Variants in CREBBP observed in about 807,000 individuals in gnomAD.
CREBBP encodes the protein CREB-binding protein.
CREBBP carries 19 observed loss-of-function variants against 265.0 expected under a neutral mutation model. The observed-to-expected ratio is 0.07, with a 90% CI of 0.05 to 0.11. CREBBP has a LOEUF of 0.11. Among genes scored for constraint, CREBBP ranks in the 10% least tolerant of loss-of-function variants. CREBBP has a pLI of 1.00. For synonymous variants in CREBBP, 1,457 were observed against 1,223.7 expected (o/e 1.19, Z -3.98); for missense variants, 2,525 against 3,219.0 (o/e 0.78, Z 5.22).
chr16:3,826,797 G>C (rs751034684), intron 2 of CREBBP, among the ~76,000 whole-genome samples: 1 of 152,156 alleles, frequency 6.6e-6, no homozygotes, highest in Admixed American at 6.5e-5. Flanking sequence ...ACAACAGAAG[G>C]ACATTAGGGA....
In CREBBP at chr16:3,851,802, C is replaced by T. The variant is rs1278044243; in HGVS notation, c.86-793G>A. Reference sequence around the variant, plus strand: ...CCGGGAAGCGGAGCTTGCAGTGAGCCGAGATTGCGCCACTGCAGTCCGCAG... The same window carrying T: ...CCGGGAAGCGGAGCTTGCAGTGAGCTGAGATTGCGCCACTGCAGTCCGCAG... On this transcript the variant is annotated intron_variant, in intron 1 of 30. Transcript: ENST00000262367. Among the ~76,000 whole-genome samples the T allele has an allele frequency of 1.7e-3, 190 of 111,972 alleles. 1 individual carries two copies. The highest frequency in any genetic ancestry group is 6.3e-3 in the African/African-American group (176 of 27,942). The allele number at this position is 111,972 out of a possible 152,430, so 73.5% of individuals were successfully genotyped here.
chr16:3,768,594 G>A (rs2052922285), intron 15 of CREBBP, among the ~76,000 whole-genome samples: 2 of 152,230 alleles, frequency 1.3e-5, no homozygotes, highest in African/African-American at 2.4e-5. Flanking sequence ...TGTGGTATGA[G>A]ACAGGAAGGA....
rs74449653 is a variant in CREBBP, at chr16:3,762,577, C to T, written c.3251-3605G>A. ...AGTCAGGAGTGTATGTGAACTGCGCCGCTCCCCTCCTCTGGCCCGAGGACC... is the reference window on the plus strand; with the variant it reads ...AGTCAGGAGTGTATGTGAACTGCGCTGCTCCCCTCCTCTGGCCCGAGGACC... On this transcript the variant is annotated intron_variant, in intron 16 of 30. Transcript: ENST00000262367. Among the ~76,000 whole-genome samples, 1,203 of 151,962 alleles carry T rather than the reference C, an allele frequency of 7.9e-3. 8 individuals carry two copies. Among genetic ancestry groups the T allele is most frequent in the Non-Finnish European group, 0.012 (801 of 67,970 alleles).
intron 1 of CREBBP, among the ~76,000 whole-genome samples, chr16:3,868,000 A>C (rs908345351): frequency 1.3e-5 from 2 of 152,176 alleles, no homozygotes; most frequent in African/African-American, 4.8e-5. Context: ...AACAGCTCTG[A>C]GATATGTATC....
chr16:3,834,086 G>C (rs1481619601), intron 2 of CREBBP, among the ~76,000 whole-genome samples: 1 of 152,142 alleles, frequency 6.6e-6, no homozygotes, highest in Non-Finnish European at 1.5e-5. Context: ...TTGCCTATTA[G>C]AACAGCCAAA....
At chr16:3,818,872 G>A (rs1000247110) in intron 2 of CREBBP, among the ~76,000 whole-genome samples, 2 of 152,214 alleles carry the variant, frequency 1.3e-5, no homozygotes, top group Admixed American at 6.5e-5. Flanking sequence ...CCACTTTATA[G>A]GTGAGGAAGG....
intron 20 of CREBBP, 44 bp downstream of exon 20, chr16:3,751,682 G>T: frequency 6.3e-7 from 1 of 1,577,380 alleles, no homozygotes; most frequent in Middle Eastern, 1.7e-4. Flanking sequence ...ACAATTTAAG[G>T]TCACCCTCCC....
At chr16:3,842,459 C>G (rs532524184) in intron 2 of CREBBP, among the ~76,000 whole-genome samples, 2 of 152,220 alleles carry the variant, frequency 1.3e-5, no homozygotes, top group East Asian at 1.9e-4. Context: ...CAGTAGAAAA[C>G]AAGAACATGC....
intron 1 of CREBBP, among the ~76,000 whole-genome samples, chr16:3,853,851 C>T (rs1438333625): frequency 6.6e-6 from 1 of 151,882 alleles, no homozygotes; most frequent in African/African-American, 2.4e-5. Context: ...GCAGGAGAGT[C>T]GCTTGAACCT....
At chr16:3,806,286 G>A (rs547011297) in intron 3 of CREBBP, among the ~76,000 whole-genome samples, 4 of 152,206 alleles carry the variant, frequency 2.6e-5, no homozygotes, top group African/African-American at 4.8e-5. Context: ...ATTCAGAGAC[G>A]TAGATCAGCA....
Position 3,727,636 on chromosome 16 carries a change from G to A in CREBBP, c.*82C>T, listed in dbSNP as rs565641940. ...GCTCGGAAGTCGCAGTTCCATCTAGGAATAAAAAGAACCTAGATGCCTGGA... is the reference window on the plus strand; with the variant it reads ...GCTCGGAAGTCGCAGTTCCATCTAGAAATAAAAAGAACCTAGATGCCTGGA... On this transcript the variant is annotated 3_prime_UTR_variant, in exon 31 of 31. Transcript: ENST00000262367. 2 of 1,611,674 alleles carry A rather than the reference G, an allele frequency of 1.2e-6. No homozygotes were observed. Among genetic ancestry groups the A allele is most frequent in the Non-Finnish European group, 1.7e-6 (2 of 1,179,404 alleles).
At chr16:3,765,177 C>T (rs932029973) in intron 16 of CREBBP, among the ~76,000 whole-genome samples, 3 of 152,120 alleles carry the variant, frequency 2.0e-5, no homozygotes, top group Admixed American at 6.5e-5. Context: ...GGGGTTTCAC[C>T]GTATTAGCCA....
chr16:3,782,698 G>A lies in CREBBP; in HGVS notation c.1559C>T (p.Thr520Ile), dbSNP rs763651145. Residue 520 changes from threonine to isoleucine, a missense_variant, in exon 6 of 31, where the codon ACT (threonine) becomes ATT (isoleucine). Thr to Ile is a moderately conservative substitution (Grantham distance 89). Around this residue, in one of 19 missense-constraint regions of CREBBP, gnomAD observed 144 missense variants for 134.0 expected, o/e 1.07. Transcript: ENST00000262367. ...AQPQTHQQMR[T>I]LNPLGNNPMN... ...CCTTCACCTACCCAGGGGGTTGAGAGTCCTCATCTGCTGGTGGGTTTGAGG... is the reference window on the plus strand; with the variant it reads ...CCTTCACCTACCCAGGGGGTTGAGAATCCTCATCTGCTGGTGGGTTTGAGG... 6 of 1,614,028 alleles carry A rather than the reference G, an allele frequency of 3.7e-6. No homozygotes were observed. The highest frequency in any genetic ancestry group is 1.7e-5 in the Admixed American group (1 of 59,998).
chr16:3,869,372 ACAG>A (rs2055245553), intron 1 of CREBBP, among the ~76,000 whole-genome samples: 1 of 152,234 alleles, frequency 6.6e-6, no homozygotes, highest in Non-Finnish European at 1.5e-5. Context: ...ATAATCCTGA[ACAG>A]TGTGACCTAA....
chr16:3,819,338 A>T (rs1222748007), intron 2 of CREBBP, among the ~76,000 whole-genome samples: 1 of 152,268 alleles, frequency 6.6e-6, no homozygotes, highest in African/African-American at 2.4e-5. Flanking sequence ...CGTGAGAACT[A>T]AACAAGTTCC....
At chr16:3,832,331 C>T (rs139734562) in intron 2 of CREBBP, among the ~76,000 whole-genome samples, 1 of 152,082 alleles carries the variant, frequency 6.6e-6, no homozygotes, top group African/African-American at 2.4e-5. Flanking sequence ...CTTCATGAAG[C>T]CAGTATATTA....
rs768892252 is a variant in CREBBP, at chr16:3,846,039, T to C, written c.798+4258A>G. Among the ~76,000 whole-genome samples, 4 of 152,124 alleles carry C rather than the reference T, an allele frequency of 2.6e-5. No homozygotes were observed. The East Asian group carries it at 7.7e-4, about 29-fold the overall frequency. On this transcript the variant is annotated intron_variant, in intron 2 of 30. Coordinates refer to ENST00000262367, the MANE Select transcript of CREBBP (RefSeq NM_004380.3). The stretch of plus-strand genomic sequence containing the variant: ...TGGATAAATGTGTTTCTATACAAAC[T>C]GAAAACATATACTTGGTAAAAACAT...
chr16:3,789,180 G>A (rs141769000), intron 5 of CREBBP, among the ~76,000 whole-genome samples: 108 of 152,296 alleles, frequency 7.1e-4, no homozygotes, highest in African/African-American at 2.6e-3. Context: ...AAAAAGCAGA[G>A]TCCCGGGGCC....
chr16:3,759,008 A>G, intron 16 of CREBBP, 36 bp from the exon 17 acceptor site: 4 of 1,504,890 alleles, frequency 2.7e-6, no homozygotes, highest in South Asian at 1.1e-5. Flanking sequence ...CACTTTGTAA[A>G]AGGTGCTCAG....
Sources: gnomAD v4.1 joint callset for allele counts (sites outside exome capture counted in the v4.1 genomes callset) on GRCh38, gnomAD v4.1.1 for gene constraint, gnomAD v4.1.1 regional missense constraint, MANE v1.5 for transcripts, NCBI Gene and HGNC (gene_info 2026-07-23, HGNC 2026-07-21) for gene names.